The following CAMKMT variants were observed in gnomAD, a reference collection of about 807,000 sequenced individuals.
CAMKMT encodes CaM KMT.
In CAMKMT, 53 loss-of-function variants were observed where a neutral mutation model predicts 48.0. The observed-to-expected ratio is 1.10, with a 90% CI of 0.89 to 1.39. The LOEUF (loss-of-function observed/expected upper bound fraction) is 1.39. Among genes scored for constraint, CAMKMT ranks in the 40% most tolerant of loss-of-function variants. The pLI is 0.00. For missense variants in CAMKMT, 428 were observed against 402.7 expected (o/e 1.06, Z -0.54); for synonymous variants, 165 against 152.3 (o/e 1.08, Z -0.61).
rs570242175 is a variant in CAMKMT, at chr2:44,647,733, G to A, written c.377-56550G>A. Among the ~76,000 whole-genome samples the A allele has an allele frequency of 4.6e-5, 7 of 151,502 alleles. No individual in the cohort carries two copies. In the South Asian group the frequency reaches 1.5e-3, roughly 32 times the overall value. ...ATCCTGGCTAACACGGTGAAACCCC[G>A]TCTCTACTAAAAAAATACAAAAAAA... is the stretch of plus-strand genomic sequence containing the variant. On this transcript the variant is annotated intron_variant, in intron 3 of 10. Transcript: ENST00000378494.
intron 3 of CAMKMT, among the ~76,000 whole-genome samples, chr2:44,402,223 G>A (rs1279386491): frequency 6.6e-6 from 1 of 150,616 alleles, no homozygotes; most frequent in African/African-American, 2.4e-5. Flanking sequence ...TAGCTACTCG[G>A]GAGGCTGAGG....
intron 3 of CAMKMT, among the ~76,000 whole-genome samples, chr2:44,649,022 T>C (rs1380590114): frequency 1.3e-5 from 2 of 152,184 alleles, no homozygotes; most frequent in Non-Finnish European, 2.9e-5. Flanking sequence ...AATATAACAC[T>C]TCTAGCGTGA....
chr2:44,487,691 G>C (rs1409268690), intron 3 of CAMKMT, among the ~76,000 whole-genome samples: 3 of 152,234 alleles, frequency 2.0e-5, no homozygotes, highest in Non-Finnish European at 4.4e-5. Flanking sequence ...CCTGGGATGA[G>C]ATATGTGAAA....
chr2:44,429,913 T>C (rs1684545696), intron 3 of CAMKMT, among the ~76,000 whole-genome samples: 1 of 151,816 alleles, frequency 6.6e-6, no homozygotes, highest in Non-Finnish European at 1.5e-5. Context: ...TTGTTAAAGT[T>C]TGTGATAGTG....
chr2:44,722,293 C>T (rs1374962081), intron 7 of CAMKMT, among the ~76,000 whole-genome samples: 1 of 150,208 alleles, frequency 6.7e-6, no homozygotes, highest in Non-Finnish European at 1.5e-5. Context: ...TATATTTAAC[C>T]TCTTGAGGAC....
At chr2:44,471,046 G>A (rs112906495) in intron 3 of CAMKMT, among the ~76,000 whole-genome samples, 5,276 of 137,848 alleles carry the variant, frequency 0.038, 335 homozygotes, top group African/African-American at 0.13. Context: ...CCAGGCTGGA[G>A]TGCAGTGGTG....
intron 1 of CAMKMT, among the ~76,000 whole-genome samples, chr2:44,365,620 T>C (rs1191837990): frequency 1.3e-5 from 2 of 152,224 alleles, no homozygotes; most frequent in East Asian, 3.8e-4. Context: ...CAAAGGACTC[T>C]GATAGGCCAA....
chr2:44,744,467 T>A (rs1679840081), intron 8 of CAMKMT, among the ~76,000 whole-genome samples: 2 of 152,308 alleles, frequency 1.3e-5, no homozygotes, highest in East Asian at 1.9e-4. Flanking sequence ...TTCATGCAGT[T>A]TGAATAATAA....
intron 3 of CAMKMT, among the ~76,000 whole-genome samples, chr2:44,552,137 C>A (rs1205561817): frequency 6.6e-6 from 1 of 152,070 alleles, no homozygotes; most frequent in Non-Finnish European, 1.5e-5. Context: ...CATCTCTCAT[C>A]CTCCCCTCCG....
At chr2:44,633,581 TTTTTTACTCTAAGAGTTCA>T (rs1672960434) in intron 3 of CAMKMT, among the ~76,000 whole-genome samples, 2 of 152,172 alleles carry the variant, frequency 1.3e-5, no homozygotes, top group Admixed American at 1.3e-4. Flanking sequence ...GTATTATATA[TTTTTTACTCTAAGAGTTCA>T]TTTGTTTTCT....
chr2:44,707,278 A>T, intron 5 of CAMKMT, 121 bp from the exon 6 acceptor site: 1 of 765,522 alleles, frequency 1.3e-6, no homozygotes, highest in Non-Finnish European at 2.2e-6. Flanking sequence ...AAAAAGATTG[A>T]AGATTGTTAC....
intron 1 of CAMKMT, among the ~76,000 whole-genome samples, chr2:44,364,624 G>C (rs1306192673): frequency 6.6e-6 from 1 of 152,152 alleles, no homozygotes; most frequent in East Asian, 1.9e-4. Context: ...TCTTTAAGTG[G>C]CGCATAGCAC....
chr2:44,366,423 G>A (rs921630899), intron 1 of CAMKMT, among the ~76,000 whole-genome samples: 1 of 152,056 alleles, frequency 6.6e-6, no homozygotes, highest in Non-Finnish European at 1.5e-5. Flanking sequence ...CTTTATTCTT[G>A]ACTTTGTTTT....
At chr2:44,759,890 T>C (rs997053858) in intron 9 of CAMKMT, among the ~76,000 whole-genome samples, 2 of 152,242 alleles carry the variant, frequency 1.3e-5, no homozygotes, top group Admixed American at 6.5e-5. Flanking sequence ...GGTAGAACTA[T>C]AGCAGACAAT....
intron 3 of CAMKMT, among the ~76,000 whole-genome samples, chr2:44,532,767 C>A (rs1201361354): frequency 2.0e-5 from 3 of 151,566 alleles, no homozygotes; most frequent in African/African-American, 7.3e-5. Context: ...TTCATAAGAT[C>A]ATGTTAAACA....
At chr2:44,546,204 T>C (rs55913285) in intron 3 of CAMKMT, among the ~76,000 whole-genome samples, 1,869 of 73,022 alleles carry the variant, frequency 0.026, 31 homozygotes, top group African/African-American at 0.083. Context: ...CACACACACA[T>C]ACATGCACAT....
chr2:44,729,645 A>G (rs1678974618), intron 7 of CAMKMT, among the ~76,000 whole-genome samples: 1 of 152,174 alleles, frequency 6.6e-6, no homozygotes, highest in African/African-American at 2.4e-5. Flanking sequence ...TTGGTGGCAA[A>G]GGGAGAGAAG....
intron 3 of CAMKMT, among the ~76,000 whole-genome samples, chr2:44,505,601 G>T (rs1670217862): frequency 6.6e-6 from 1 of 152,008 alleles, no homozygotes; most frequent in Admixed American, 6.6e-5. Context: ...CTTTTTTGCT[G>T]ATGTCCAGTT....
At chr2:44,613,693 T>A (rs1671718812) in intron 3 of CAMKMT, among the ~76,000 whole-genome samples, 1 of 152,164 alleles carries the variant, frequency 6.6e-6, no homozygotes, top group African/African-American at 2.4e-5. Context: ...TCATATATCA[T>A]CTCATTAACC....
Sources: allele counts gnomAD v4.1 joint callset (sites outside exome capture counted in the v4.1 genomes callset), GRCh38; gene constraint gnomAD v4.1.1; transcripts MANE v1.5; gene names NCBI Gene and HGNC (gene_info 2026-07-23, HGNC 2026-07-21).